The following SOX6 variants were observed in gnomAD, a reference collection of about 807,000 sequenced individuals.
SOX6 encodes the protein SRY-box transcription factor 6, also known as transcription factor SOX-6.
A neutral mutation model predicts 97.8 loss-of-function variants in SOX6; 11 were observed. That is an observed-to-expected ratio of 0.11 (90% confidence interval 0.07 to 0.19). The LOEUF (loss-of-function observed/expected upper bound fraction) is 0.19, where lower values mean the gene tolerates loss of function less well. Among genes scored for constraint, SOX6 ranks in the 10% least tolerant of loss-of-function variants. SOX6 has a pLI of 1.00. For synonymous variants in SOX6, 360 were observed against 371.4 expected, an observed-to-expected ratio of 0.97 and a Z score of 0.35; for missense variants, 810 against 1,039.5, an observed-to-expected ratio of 0.78 and a Z score of 3.04.
chr11:16,199,145 A>G (rs1851866279), intron 4 of SOX6, among the ~76,000 whole-genome samples: 1 of 152,210 alleles, frequency 6.6e-6, no homozygotes, highest in Non-Finnish European at 1.5e-5. Flanking sequence ...ATTGCTTTGA[A>G]CTACAGGAGT....
chr11:16,362,546 A>G (rs988688233), intron 1 of SOX6, among the ~76,000 whole-genome samples: 1 of 152,174 alleles, frequency 6.6e-6, no homozygotes, highest in Non-Finnish European at 1.5e-5. Flanking sequence ...TCCCTTATAG[A>G]ACAGCAAGAT....
At chr11:16,018,020 T>C (rs1338401687) in intron 12 of SOX6, among the ~76,000 whole-genome samples, 1 of 152,116 alleles carries the variant, frequency 6.6e-6, no homozygotes, top group Non-Finnish European at 1.5e-5. Flanking sequence ...ATAAAAGTTA[T>C]TGAAAAAAAT....
At chr11:16,394,419 CT>C (rs1858282781) in intron 1 of SOX6, among the ~76,000 whole-genome samples, 1 of 151,756 alleles carries the variant, frequency 6.6e-6, no homozygotes. Flanking sequence ...TTTTTATCTC[CT>C]TTTCCCTCAT....
At chr11:15,976,389 T>C (rs1853487370) in intron 15 of SOX6, among the ~76,000 whole-genome samples, 1 of 152,178 alleles carries the variant, frequency 6.6e-6, no homozygotes, top group African/African-American at 2.4e-5. Context: ...AACATTCACA[T>C]TTGACAGGAC....
At chr11:16,499,467 A>G (rs2133141013) in intron 4 of SOX6, among the ~76,000 whole-genome samples, 1 of 152,344 alleles carries the variant, frequency 6.6e-6, no homozygotes, top group East Asian at 1.9e-4. Context: ...TCAGAGCAGA[A>G]CTGAAAGAGA....
At chr11:16,602,421 G>GT (rs1272265275) in intron 4 of SOX6, among the ~76,000 whole-genome samples, 1 of 151,986 alleles carries the variant, frequency 6.6e-6, no homozygotes, top group East Asian at 1.9e-4. Context: ...TGCTTTCAAA[G>GT]TTTGAAACAT....
At chr11:16,260,586 A>G (rs1853858166) in intron 3 of SOX6, among the ~76,000 whole-genome samples, 1 of 152,106 alleles carries the variant, frequency 6.6e-6, no homozygotes, top group East Asian at 1.9e-4. Flanking sequence ...GTGTCTGAAA[A>G]ATATATGTAT....
chr11:15,988,217 T>G, intron 14 of SOX6, among the ~76,000 whole-genome samples: 1 of 152,222 alleles, frequency 6.6e-6, no homozygotes. Flanking sequence ...ACATGTTGAC[T>G]GTAATGCTGC....
intron 1 of SOX6, among the ~76,000 whole-genome samples, chr11:16,346,807 C>T (rs915641453): frequency 6.6e-6 from 1 of 152,034 alleles, no homozygotes; most frequent in African/African-American, 2.4e-5. Context: ...AAATGAAATA[C>T]ATTTGAAGCC....
rs1224913365 is a variant in SOX6 at position 16,560,983 on chromosome 11, G to A, written n.609+51098C>T. On this transcript the variant is annotated intron_variant and non_coding_transcript_variant, in intron 4 of 5. Transcript: ENST00000524520. ...GGGGCTTGGGGGAAATATGGGAGTC[G>A]GGTGAGGAATAAAGGACTACACATT... is the stretch of plus-strand genomic sequence containing the variant. Among the ~76,000 whole-genome samples, 15 of 152,012 alleles carry A rather than the reference G, an allele frequency of 9.9e-5. No individual in the cohort carries two copies. In the South Asian group the frequency reaches 1.0e-3, roughly 11 times the overall value.
chr11:16,559,162 CTT>C (rs1489597220), intron 4 of SOX6, among the ~76,000 whole-genome samples: 1 of 151,996 alleles, frequency 6.6e-6, no homozygotes, highest in Non-Finnish European at 1.5e-5. Context: ...GGAAGACTGA[CTT>C]AATGTATATT....
intron 4 of SOX6, among the ~76,000 whole-genome samples, chr11:16,226,062 T>A (rs779618719): frequency 6.6e-6 from 1 of 152,162 alleles, no homozygotes; most frequent in Non-Finnish European, 1.5e-5. Flanking sequence ...GTTGAGTAAC[T>A]GTAATAAGTA....
At chr11:16,370,037 C>T (rs1166607726) in intron 1 of SOX6, among the ~76,000 whole-genome samples, 3 of 152,094 alleles carry the variant, frequency 2.0e-5, no homozygotes, top group Admixed American at 6.6e-5. Context: ...CACCAGCTGG[C>T]CACCATCCTC....
At chr11:16,733,778 G>C (rs1848370072) in intron 2 of SOX6, among the ~76,000 whole-genome samples, 1 of 148,456 alleles carries the variant, frequency 6.7e-6, no homozygotes, top group African/African-American at 2.5e-5. Flanking sequence ...TGTAATCCCA[G>C]CACTTTGGGA....
At chr11:16,507,615 T>G (rs1049132752) in intron 4 of SOX6, among the ~76,000 whole-genome samples, 1 of 152,038 alleles carries the variant, frequency 6.6e-6, no homozygotes, top group Non-Finnish European at 1.5e-5. Context: ...AACCCACATA[T>G]TTACAGCCAA....
chr11:16,313,188 A>G (rs1247256491), intron 3 of SOX6: 17 of 152,198 alleles, frequency 1.1e-4, no homozygotes, highest in Admixed American at 1.0e-3. Context: ...ACACTGGACA[A>G]TTTGGTTGAT....
chr11:16,088,394 A>G (rs1243565781), intron 9 of SOX6, among the ~76,000 whole-genome samples: 1 of 152,026 alleles, frequency 6.6e-6, no homozygotes, highest in Non-Finnish European at 1.5e-5. Flanking sequence ...CTACCATTAT[A>G]CTCTCATACA....
At chr11:16,044,560 A>G (rs1338864192) in intron 12 of SOX6, among the ~76,000 whole-genome samples, 2 of 152,206 alleles carry the variant, frequency 1.3e-5, no homozygotes, top group East Asian at 1.9e-4. Flanking sequence ...TATTTTGATT[A>G]TAAGAAAGCC....
intron 4 of SOX6, chr11:16,484,470 C>G (rs550041084): frequency 1.2e-6 from 1 of 807,354 alleles, no homozygotes; most frequent in African/African-American, 1.7e-5. Context: ...TCGCACTTCA[C>G]CACCTGCTCC....
Sources: gnomAD v4.1 joint callset for allele counts (sites outside exome capture counted in the v4.1 genomes callset) on GRCh38, gnomAD v4.1.1 for gene constraint, MANE v1.5 for transcripts, NCBI Gene and HGNC (gene_info 2026-07-23, HGNC 2026-07-21) for gene names.